The following CDH12 variants were observed in gnomAD, a reference collection of about 807,000 sequenced individuals.
CDH12 encodes cadherin 12.
In CDH12, 41 loss-of-function variants were observed where a neutral mutation model predicts 74.1. The ratio of observed to expected loss-of-function variants is 0.55; its 90% CI spans 0.43 to 0.72. The LOEUF (loss-of-function observed/expected upper bound fraction) is 0.72, where lower values mean the gene tolerates loss of function less well. Among genes scored for constraint, CDH12 ranks in the 30% least tolerant of loss-of-function variants. The probability of loss-of-function intolerance (pLI) is 0.00; values close to 1 mark genes in which losing one functional copy is unlikely to be tolerated. For missense variants in CDH12, 945 were observed against 977.2 expected (o/e 0.97, Z 0.44); for synonymous variants, 399 against 355.0 (o/e 1.12, Z -1.39).
chr5:22,068,006 G>GA (rs976751717), intron 5 of CDH12, among the ~76,000 whole-genome samples: 1 of 151,764 alleles, frequency 6.6e-6, no homozygotes, highest in African/African-American at 2.4e-5. Flanking sequence ...CATAGAAAAA[G>GA]AAAAAAGAAA....
intron 14 of CDH12, 60 bp downstream of exon 14, chr5:21,755,531 A>AG (rs1744333292): frequency 2.7e-6 from 4 of 1,471,886 alleles, no homozygotes; most frequent in African/African-American, 2.8e-5. Context: ...GAGGAGAGAG[A>AG]GGGGAAAAAA....
chr5:22,188,910 C>A (rs1335390103), intron 4 of CDH12, among the ~76,000 whole-genome samples: 1 of 152,138 alleles, frequency 6.6e-6, no homozygotes, highest in Non-Finnish European at 1.5e-5. Flanking sequence ...AAACATAAAC[C>A]ATAATTGTGG....
chr5:22,751,487 A>T (rs1314180573), intron 1 of CDH12, among the ~76,000 whole-genome samples: 5 of 151,888 alleles, frequency 3.3e-5, no homozygotes, highest in Non-Finnish European at 5.9e-5. Flanking sequence ...GTTAATTATC[A>T]TTATTTTCCC....
intron 4 of CDH12, among the ~76,000 whole-genome samples, chr5:22,105,214 C>A (rs1283781546): frequency 3.3e-5 from 5 of 151,926 alleles, no homozygotes; most frequent in African/African-American, 1.2e-4. Flanking sequence ...GCCTCAGCCT[C>A]CCGAGTAACT....
chr5:22,365,069 G>A (rs547927256), intron 3 of CDH12, among the ~76,000 whole-genome samples: 22 of 152,316 alleles, frequency 1.4e-4, no homozygotes, highest in South Asian at 6.2e-4. Context: ...TCGACTGCAT[G>A]ACATAAGTAT....
intron 3 of CDH12, among the ~76,000 whole-genome samples, chr5:22,304,789 C>T (rs1419744383): frequency 6.6e-6 from 1 of 152,094 alleles, no homozygotes; most frequent in African/African-American, 2.4e-5. Flanking sequence ...AAAGAAGGAA[C>T]AAAGATATCA....
At chr5:21,783,771 G>A (rs1052835127) in intron 10 of CDH12, among the ~76,000 whole-genome samples, 1 of 152,082 alleles carries the variant, frequency 6.6e-6, no homozygotes, top group African/African-American at 2.4e-5. Context: ...AGCTGACCAT[G>A]AGTTTCCTTA....
intron 1 of CDH12, among the ~76,000 whole-genome samples, chr5:22,805,599 T>G (rs2126431197): frequency 6.6e-6 from 1 of 152,282 alleles, no homozygotes; most frequent in African/African-American, 2.4e-5. Flanking sequence ...AAAGTTAATA[T>G]ATTTCATAAT....
chr5:22,249,270 G>T (rs1753058085), intron 3 of CDH12, among the ~76,000 whole-genome samples: 1 of 152,160 alleles, frequency 6.6e-6, no homozygotes, highest in Non-Finnish European at 1.5e-5. Context: ...AAGGTTAAAG[G>T]AAGCATAACA....
chr5:21,770,543 G>A (rs928922522), intron 11 of CDH12, among the ~76,000 whole-genome samples: 3 of 151,426 alleles, frequency 2.0e-5, no homozygotes, highest in Middle Eastern at 3.2e-3. Context: ...TCTTGAACCC[G>A]AGAGGTGGAG....
At chr5:22,717,497 T>C (rs1202713490) in intron 1 of CDH12, among the ~76,000 whole-genome samples, 1 of 152,200 alleles carries the variant, frequency 6.6e-6, no homozygotes, top group Non-Finnish European at 1.5e-5. Context: ...TCTCAGAACA[T>C]ATACCTCTCA....
intron 7 of CDH12, among the ~76,000 whole-genome samples, chr5:21,843,855 C>A (rs903050363): frequency 1.8e-4 from 27 of 152,120 alleles, no homozygotes; most frequent in African/African-American, 5.3e-4. Context: ...GCCTGACATA[C>A]AATGCTTATG....
intron 1 of CDH12, among the ~76,000 whole-genome samples, chr5:22,563,349 C>T (rs1316649980): frequency 6.6e-6 from 1 of 151,992 alleles, no homozygotes; most frequent in East Asian, 1.9e-4. Context: ...AGTAATTTTT[C>T]AAATACCTGT....
At chr5:22,251,719 T>G (rs1011674642) in intron 3 of CDH12, among the ~76,000 whole-genome samples, 1 of 152,164 alleles carries the variant, frequency 6.6e-6, no homozygotes, top group African/African-American at 2.4e-5. Context: ...TCCTAAGTGC[T>G]CTGAACACAG....
At chr5:22,639,432 C>CTTTTTTTTTTTT (rs10706075) in intron 1 of CDH12, among the ~76,000 whole-genome samples, 1 of 115,598 alleles carries the variant, frequency 8.7e-6, no homozygotes, top group Non-Finnish European at 1.8e-5. Flanking sequence ...TTTTCTTCTT[C>CTTTTTTTTTTTT]TTTTTTTTTT....
chr5:21,924,554 A>ATAAG (rs1387413926), intron 6 of CDH12, among the ~76,000 whole-genome samples: 1 of 151,876 alleles, frequency 6.6e-6, no homozygotes. Flanking sequence ...AAATAAATAA[A>ATAAG]TAAATAAATT....
intron 6 of CDH12, among the ~76,000 whole-genome samples, chr5:21,957,724 A>C (rs553396134): frequency 1.9e-4 from 29 of 152,144 alleles, no homozygotes; most frequent in African/African-American, 6.7e-4. Context: ...CTTCTTTTAA[A>C]AAGTGTCTGT....
intron 5 of CDH12, among the ~76,000 whole-genome samples, chr5:22,026,454 A>G (rs1365336442): frequency 1.3e-5 from 2 of 151,980 alleles, no homozygotes; most frequent in Non-Finnish European, 2.9e-5. Flanking sequence ...TTATGAGTAA[A>G]CCTCCCATTC....
At chr5:21,878,457 G>A (rs1345479919) in intron 6 of CDH12, among the ~76,000 whole-genome samples, 3 of 151,686 alleles carry the variant, frequency 2.0e-5, no homozygotes, top group Non-Finnish European at 2.9e-5. Context: ...CACTAGTCAC[G>A]GTGTTTCACA....
Sources: gnomAD v4.1 joint callset for allele counts (sites outside exome capture counted in the v4.1 genomes callset) on GRCh38, gnomAD v4.1.1 for gene constraint, MANE v1.5 for transcripts, NCBI Gene and HGNC (gene_info 2026-07-23, HGNC 2026-07-21) for gene names.